The following LRRFIP1 variants were observed in gnomAD, a reference collection of about 807,000 sequenced individuals.
LRRFIP1 encodes leucine-rich repeat flightless-interacting protein 1.
LRRFIP1 carries 62 observed loss-of-function variants against 104.4 expected under a neutral mutation model. The ratio of observed to expected loss-of-function variants is 0.59; its 90% CI spans 0.48 to 0.73. The LOEUF is 0.73. LRRFIP1 is among the 30% of genes least tolerant of loss of function. The probability of loss-of-function intolerance (pLI) is 0.00; values close to 1 mark genes in which losing one functional copy is unlikely to be tolerated. For missense variants in LRRFIP1, 796 were observed against 824.5 expected (o/e 0.97, Z 0.42); for synonymous variants, 300 against 299.0 (o/e 1.00, Z -0.03).
chr2:237,713,313 CG>C (rs1159348178), intron 2 of LRRFIP1, among the ~76,000 whole-genome samples: 2 of 152,130 alleles, frequency 1.3e-5, no homozygotes, highest in Non-Finnish European at 2.9e-5. Flanking sequence ...AGCTGCGTTC[CG>C]GGGTCTGTTT....
chr2:237,660,639 T>C (rs1325951784), intron 1 of LRRFIP1, among the ~76,000 whole-genome samples: 1 of 152,224 alleles, frequency 6.6e-6, no homozygotes, highest in Non-Finnish European at 1.5e-5. Context: ...TTTGCTGCAG[T>C]CTTGCTTGTA....
chr2:237,771,325 T>C (rs905084943), intron 20 of LRRFIP1, among the ~76,000 whole-genome samples: 3 of 141,064 alleles, frequency 2.1e-5, no homozygotes, highest in Admixed American at 7.1e-5. Context: ...AAAAAACCCA[T>C]AAATTCCGCA....
chr2:237,645,559 C>T (rs932021810), intron 1 of LRRFIP1, among the ~76,000 whole-genome samples: 15 of 151,954 alleles, frequency 9.9e-5, no homozygotes, highest in African/African-American at 2.9e-4. Context: ...CTCTGTACTC[C>T]GGACCCTGAC....
chr2:237,720,944 C>G lies in LRRFIP1; in HGVS notation c.345+122C>G, dbSNP rs556389231. 7.5e-6 allele frequency: 6 copies of G among 804,080 alleles called. No individual in the cohort carries two copies. The South Asian group carries it at 9.2e-5, about 12-fold the overall frequency. The allele number at this position is 804,080 out of a possible 1,614,324, so 49.8% of individuals were successfully genotyped here. A position where few individuals can be genotyped will look rare whatever the true frequency, so the allele number is the denominator to read the frequency against. On this transcript the variant is annotated intron_variant, in intron 6 of 23. Coordinates refer to ENST00000308482, the MANE Select transcript of LRRFIP1 (RefSeq NM_001137550.2). ...CGTGGTCTGATAGTCAATATTTAACCGATGAGATGCTTACTTAAAATCAAA... is the reference window on the plus strand; with the variant it reads ...CGTGGTCTGATAGTCAATATTTAACGGATGAGATGCTTACTTAAAATCAAA...
chr2:237,708,406 A>C, intron 1 of LRRFIP1, 138 bp from the exon 2 acceptor site: 2 of 629,244 alleles, frequency 3.2e-6, no homozygotes, highest in East Asian at 2.8e-5. Context: ...CCACCCTTTT[A>C]CTCTATGAAT....
At position 237,779,511 on chromosome 2, in the gene LRRFIP1, T is replaced by C. The variant is rs1334988367; in HGVS notation, c.1902T>C (p.Ser634=). The change falls in exon 24 of 24, where the codon AGT becomes AGC. Residue 634 remains serine, a synonymous_variant. Transcript: ENST00000308482. ...KRLEKMKANR[S]ALLSQQ ...TGGAAAAAATGAAAGCAAATCGGAG[T>C]GCACTCTTGTCCCAGCAGTAAATTC... 1.9e-6 allele frequency: 3 copies of C among 1,613,284 alleles called. No homozygotes were observed. Among genetic ancestry groups the C allele is most frequent in the African/African-American group, 2.7e-5 (2 of 74,864 alleles).
At chr2:237,777,734 G>A (rs2150947115) in intron 23 of LRRFIP1, among the ~76,000 whole-genome samples, 1 of 152,114 alleles carries the variant, frequency 6.6e-6, no homozygotes, top group East Asian at 1.9e-4. Context: ...TTTAAAAATT[G>A]ATTTTGGAAA....
At chr2:237,772,480 C>G (rs924895061) in intron 21 of LRRFIP1, 3 of 434,260 alleles carry the variant, frequency 6.9e-6, no homozygotes, top group African/African-American at 5.9e-5. Context: ...AGCAATCTTT[C>G]GATCTGTTGA....
At chr2:237,758,962 T>G in intron 18 of LRRFIP1, 141 bp downstream of exon 18, 1 of 570,768 alleles carries the variant, frequency 1.8e-6, no homozygotes, top group Non-Finnish European at 3.0e-6. Flanking sequence ...ATATATTGGG[T>G]TAACTGACAG....
At chr2:237,714,942 C>T (rs867030567) in intron 3 of LRRFIP1, among the ~76,000 whole-genome samples, 1 of 152,198 alleles carries the variant, frequency 6.6e-6, no homozygotes, top group Non-Finnish European at 1.5e-5. Flanking sequence ...TTTGTATACA[C>T]GGGAGTCTTT....
Position 237,766,009 on chromosome 2 carries a change from T to C in LRRFIP1, c.1460-3934T>C, listed in dbSNP as rs1248310243. 5.1e-6 allele frequency: 4 copies of C among 777,074 alleles called. No homozygotes were observed. The highest frequency in any genetic ancestry group is 4.7e-6 in the Non-Finnish European group (3 of 639,998). The allele number at this position is 777,074 out of a possible 1,614,324, so 48.1% of individuals were successfully genotyped here. On this transcript the variant is annotated intron_variant, in intron 19 of 23. Coordinates refer to ENST00000308482, the MANE Select transcript of LRRFIP1 (RefSeq NM_001137550.2). The surrounding 1 kb of genome is among the most constrained non-coding windows in gnomAD (Gnocchi z 4.8). ...TGAGTAATATCTGCTTGGGGGTTGC[T>C]GATTCCTATTGGGGTTCCGTGGAAG... is the stretch of plus-strand genomic sequence containing the variant.
chr2:237,694,514 G>A (rs2093034177), intron 1 of LRRFIP1, among the ~76,000 whole-genome samples: 1 of 152,194 alleles, frequency 6.6e-6, no homozygotes, highest in Admixed American at 6.5e-5. Context: ...CCTGGGCCAT[G>A]GGCTGGGTAT....
chr2:237,667,406 A>G (rs767793774), intron 1 of LRRFIP1, among the ~76,000 whole-genome samples: 1 of 152,208 alleles, frequency 6.6e-6, no homozygotes, highest in Non-Finnish European at 1.5e-5. Context: ...TTATGGTTGC[A>G]TAGTATTCCA....
chr2:237,738,530 A>C (rs2095323040), intron 10 of LRRFIP1, among the ~76,000 whole-genome samples: 3 of 152,170 alleles, frequency 2.0e-5, no homozygotes, highest in Admixed American at 2.0e-4. Context: ...CCGCCCCACC[A>C]TGCCTTGCTC....
At chr2:237,670,770 C>A (rs2090218626) in intron 1 of LRRFIP1, among the ~76,000 whole-genome samples, 2 of 152,238 alleles carry the variant, frequency 1.3e-5, no homozygotes, top group African/African-American at 2.4e-5. Flanking sequence ...CCCCTGCCTG[C>A]CTCAGTTTCT....
At chr2:237,633,485 A>T (rs1390554593) in intron 1 of LRRFIP1, among the ~76,000 whole-genome samples, 1 of 149,836 alleles carries the variant, frequency 6.7e-6, no homozygotes, top group East Asian at 1.9e-4. Context: ...CTCTTGAGCC[A>T]CTCGTTGGCC....
At chr2:237,675,136 C>T (rs1057466466) in intron 1 of LRRFIP1, among the ~76,000 whole-genome samples, 4 of 152,234 alleles carry the variant, frequency 2.6e-5, no homozygotes, top group African/African-American at 9.6e-5. Context: ...TCCTGAGCCC[C>T]CGCTCTGAGG....
chr2:237,678,288 G>C (rs2091395785), intron 1 of LRRFIP1, among the ~76,000 whole-genome samples: 1 of 152,200 alleles, frequency 6.6e-6, no homozygotes, highest in African/African-American at 2.4e-5. Flanking sequence ...TAGAATTCCA[G>C]TTACTGTTGG....
chr2:237,647,701 CCG>C (rs1374428846), intron 1 of LRRFIP1, among the ~76,000 whole-genome samples: 4 of 115,124 alleles, frequency 3.5e-5, no homozygotes, highest in African/African-American at 5.8e-5. Context: ...CCCTGTCACC[CCG>C]TGGCCGGCCA....
Sources: gnomAD v4.1 joint callset for allele counts (sites outside exome capture counted in the v4.1 genomes callset) on GRCh38, gnomAD v4.1.1 for gene constraint, Gnocchi (gnomAD v3.1) non-coding constraint, MANE v1.5 for transcripts, NCBI Gene and HGNC (gene_info 2026-07-23, HGNC 2026-07-21) for gene names.